COPS2: variants seen among roughly 807,000 people sequenced by gnomAD.
COPS2 encodes COP9 signalosome subunit 2.
A neutral mutation model predicts 66.1 loss-of-function variants in COPS2; 10 were observed. The observed-to-expected ratio is 0.15, with a 90% CI of 0.09 to 0.26. The LOEUF (loss-of-function observed/expected upper bound fraction) is 0.26, where lower values mean the gene tolerates loss of function less well. COPS2 is among the 10% of genes least tolerant of loss of function. The pLI is 1.00. For missense variants in COPS2, 215 were observed against 513.3 expected (o/e 0.42, Z 5.62); for synonymous variants, 179 against 171.3 (o/e 1.04, Z -0.35).
At chr15:49,136,440 C>T (rs2084252138) in intron 6 of COPS2, among the ~76,000 whole-genome samples, 1 of 152,132 alleles carries the variant, frequency 6.6e-6, no homozygotes, top group South Asian at 2.1e-4. Flanking sequence ...AGCCATACTT[C>T]AAATGCTTGA....
chr15:49,141,600 A>T (rs2084290132), intron 3 of COPS2, among the ~76,000 whole-genome samples: 1 of 152,206 alleles, frequency 6.6e-6, no homozygotes, highest in Non-Finnish European at 1.5e-5. Context: ...AGACTGAAGG[A>T]AGAGTAGGTA....
At chr15:49,140,837 G>A (rs1000249973) in intron 3 of COPS2, among the ~76,000 whole-genome samples, 2 of 151,946 alleles carry the variant, frequency 1.3e-5, no homozygotes, top group African/African-American at 4.8e-5. Context: ...TTATTAGGGT[G>A]AGGAATAAAC....
intron 3 of COPS2, among the ~76,000 whole-genome samples, chr15:49,140,421 A>C (rs979811926): frequency 1.3e-5 from 2 of 152,012 alleles, no homozygotes; most frequent in Non-Finnish European, 2.9e-5. Flanking sequence ...TCTCCCTACA[A>C]CTGGCTGGTT....
chr15:49,138,693 A>G (rs892493651), intron 4 of COPS2, among the ~76,000 whole-genome samples: 10 of 152,336 alleles, frequency 6.6e-5, no homozygotes, highest in African/African-American at 2.4e-4. Flanking sequence ...TTAAATGTAA[A>G]GAGTACAAAC....
At position 49,134,062 on chromosome 15, in the gene COPS2, T is replaced by A; in HGVS notation, c.762A>T (p.Ala254=). The change falls in exon 8 of 13, where the codon GCA becomes GCT. Residue 254 remains alanine (A), a synonymous_variant. Transcript: ENST00000388901. ...MHLREGEFEK[A]HTDFFEAFKN... ...TGAAGGCTTCAAAAAAATCAGTGTG[T>A]GCCTTTTCAAATTCACCTTCCCTCA... The A allele has an allele frequency of 1.2e-6, 2 of 1,613,548 alleles. No individual in the cohort carries two copies. Among genetic ancestry groups the A allele is most frequent in the Non-Finnish European group, 1.7e-6 (2 of 1,179,816 alleles).
chr15:49,130,913 A>G (rs948052881), intron 9 of COPS2, 97 bp from the exon 10 acceptor site: 10 of 547,848 alleles, frequency 1.8e-5, no homozygotes, highest in African/African-American at 1.7e-4. Context: ...TTCATATGCA[A>G]AAATCTAAAT....
At chr15:49,128,634 C>G (rs1283395143) in intron 12 of COPS2, 68 bp downstream of exon 12, 3 of 1,110,168 alleles carry the variant, frequency 2.7e-6, no homozygotes, top group African/African-American at 1.6e-5. Flanking sequence ...CCAATTGTTA[C>G]CTTTGTCACT....
intron 1 of COPS2, among the ~76,000 whole-genome samples, chr15:49,148,557 G>T (rs530755848): frequency 4.6e-5 from 7 of 152,192 alleles, no homozygotes; most frequent in Non-Finnish European, 8.8e-5. Flanking sequence ...GATGAAAGAT[G>T]AACTGGTATT....
intron 1 of COPS2, among the ~76,000 whole-genome samples, chr15:49,151,645 C>G (rs1036821460): frequency 2.6e-5 from 4 of 151,900 alleles, no homozygotes; most frequent in African/African-American, 9.7e-5. Context: ...AATCTATAAA[C>G]CTGTAAAATT....
At chr15:49,137,043 A>AT (rs1245079753) in intron 6 of COPS2, 107 bp downstream of exon 6, 2 of 695,200 alleles carry the variant, frequency 2.9e-6, no homozygotes, top group Admixed American at 6.9e-5. Flanking sequence ...TATTTTTCAG[A>AT]TAATGCTTAA....
intron 9 of COPS2, among the ~76,000 whole-genome samples, chr15:49,132,194 A>C (rs763998744): frequency 6.6e-6 from 1 of 152,192 alleles, no homozygotes; most frequent in Non-Finnish European, 1.5e-5. Flanking sequence ...ATGTGAATGA[A>C]ATAAACTATC....
chr15:49,131,162 A>T (rs779265756), intron 9 of COPS2, among the ~76,000 whole-genome samples: 12 of 152,142 alleles, frequency 7.9e-5, no homozygotes, highest in Non-Finnish European at 1.6e-4. Flanking sequence ...ATGTTTTCAA[A>T]TGAAATTGTG....
At chr15:49,133,116 G>C (rs559322686) in intron 9 of COPS2, among the ~76,000 whole-genome samples, 1 of 151,322 alleles carries the variant, frequency 6.6e-6, no homozygotes, top group East Asian at 1.9e-4. Context: ...AGCCTCCCGA[G>C]TAGCTGAGAC....
chr15:49,146,488 A>C (rs1309600816), intron 1 of COPS2, among the ~76,000 whole-genome samples: 1 of 152,192 alleles, frequency 6.6e-6, no homozygotes, highest in Non-Finnish European at 1.5e-5. Flanking sequence ...GATGGCTTCA[A>C]ACCTGGGTTT....
Position 49,126,001 on chromosome 15 carries a change from A to C in COPS2, c.*1949T>G, listed in dbSNP as rs1468692933. The C allele has an allele frequency of 6.6e-6, 1 of 152,372 alleles. No homozygotes were observed. The highest frequency in any genetic ancestry group is 1.5e-5 in the Non-Finnish European group (1 of 67,936). 9.4% of individuals were successfully genotyped at this position (152,372 alleles called of 1,614,324 possible). A position where few individuals can be genotyped will look rare whatever the true frequency, so the allele number is the denominator to read the frequency against. On this transcript the variant is annotated 3_prime_UTR_variant, in exon 13 of 13. Coordinates refer to ENST00000388901, the MANE Select transcript of COPS2 (RefSeq NM_004236.4). ...AAAGTTAAGAAGGGCTTTAGCTTTC[A>C]AGGGTTATCACATGCATACATATTT...
intron 1 of COPS2, 65 bp downstream of exon 1, chr15:49,155,460 C>A: frequency 1.3e-5 from 20 of 1,529,932 alleles, no homozygotes; most frequent in Non-Finnish European, 1.8e-5. Context: ...GCCGCGGGCG[C>A]CCCGGCCCGG....
rs531999540 is a variant in COPS2, at chr15:49,123,488, G to A, written c.*4462C>T. On this transcript the variant is annotated 3_prime_UTR_variant, in exon 13 of 13. Coordinates refer to ENST00000388901, the MANE Select transcript of COPS2 (RefSeq NM_004236.4). ...TGATATTAAGTAAAATAGAAAACTG[G>A]AAAATTACTGTGATAAACTGGTGAT... 6.6e-6 allele frequency: 1 copy of A among 152,170 alleles called. No homozygotes were observed. The highest frequency in any genetic ancestry group is 1.9e-4 in the East Asian group (1 of 5,180). 9.4% of individuals were successfully genotyped at this position (152,170 alleles called of 1,614,324 possible).
At chr15:49,154,885 C>G (rs909871478) in intron 1 of COPS2, among the ~76,000 whole-genome samples, 5 of 152,170 alleles carry the variant, frequency 3.3e-5, no homozygotes, top group Non-Finnish European at 2.9e-5. Context: ...CAAGCAAAAC[C>G]TCCTCCCCAG....
At position 49,127,943 on chromosome 15, in the gene COPS2, T is replaced by C. The variant is rs2084180599; in HGVS notation, c.*7A>G. The C allele has an allele frequency of 6.2e-7, 1 of 1,613,448 alleles. No homozygotes were observed. The highest frequency in any genetic ancestry group is 8.5e-7 in the Non-Finnish European group (1 of 1,179,608). On this transcript the variant is annotated 3_prime_UTR_variant, in exon 13 of 13. Coordinates refer to ENST00000388901, the MANE Select transcript of COPS2 (RefSeq NM_004236.4). ...CCTTAAGGACGTCTGTAAAAGCTTG[T>C]TCTCTGTTAAGCCAGTTTACTGACT...
Sources: allele counts gnomAD v4.1 joint callset (sites outside exome capture counted in the v4.1 genomes callset), GRCh38; gene constraint gnomAD v4.1.1; transcripts MANE v1.5; gene names NCBI Gene and HGNC (gene_info 2026-07-23, HGNC 2026-07-21).